The following TBX15 variants were observed in gnomAD, a reference collection of about 807,000 sequenced individuals.
TBX15 encodes T-box transcription factor 15.
TBX15 carries 18 observed loss-of-function variants against 53.9 expected under a neutral mutation model. The ratio of observed to expected loss-of-function variants is 0.33; its 90% CI spans 0.23 to 0.49. The LOEUF is 0.49. Ranked by LOEUF, TBX15 falls within the 20% of genes least tolerant of loss-of-function variation. The pLI is 0.98. For missense variants in TBX15, 692 were observed against 749.5 expected (o/e 0.92, Z 0.90); for synonymous variants, 295 against 278.0 (o/e 1.06, Z -0.61).
At chr1:118,964,082 C>A (rs565861331) in intron 1 of TBX15, among the ~76,000 whole-genome samples, 5 of 152,328 alleles carry the variant, frequency 3.3e-5, no homozygotes, top group Non-Finnish European at 7.3e-5. Context: ...GCCCTGAATA[C>A]CTGACCCACA....
rs1654880867 is a variant in TBX15 at position 118,907,541 on chromosome 1, A to G, written c.926+6574T>C. ...ACATCAGATGTGGGATGAAAGATGC[A>G]GTCTCTTTCTTTCCACTTCTTTGGT... On this transcript the variant is annotated intron_variant, in intron 6 of 7. Transcript: ENST00000369429. Among the ~76,000 whole-genome samples, 7 of 152,328 alleles carry G rather than the reference A, an allele frequency of 4.6e-5. No homozygotes were observed. The South Asian group carries it at 1.4e-3, about 32-fold the overall frequency.
At chr1:118,932,118 A>G (rs1370505029) in intron 1 of TBX15, among the ~76,000 whole-genome samples, 1 of 152,246 alleles carries the variant, frequency 6.6e-6, no homozygotes, top group African/African-American at 2.4e-5. Context: ...AACAGGCAAT[A>G]TAAATAGTAC....
chr1:118,949,003 T>C (rs919313523), intron 1 of TBX15, among the ~76,000 whole-genome samples: 1 of 152,178 alleles, frequency 6.6e-6, no homozygotes, highest in South Asian at 2.1e-4. Context: ...ATATATCCTC[T>C]TAGGAAGGGA....
chr1:118,905,399 C>A (rs1303516957), intron 6 of TBX15, among the ~76,000 whole-genome samples: 2 of 152,140 alleles, frequency 1.3e-5, no homozygotes, highest in African/African-American at 4.8e-5. Context: ...GCCACACAGC[C>A]AAGAGGACAA....
chr1:118,901,520 GT>G (rs1167724631), intron 6 of TBX15: 2 of 420,134 alleles, frequency 4.8e-6, no homozygotes, highest in Admixed American at 5.5e-5. Context: ...TGACAAAAGT[GT>G]TAATAGTTTT....
At chr1:118,887,695 T>G (rs1421628458) in intron 7 of TBX15, among the ~76,000 whole-genome samples, 2 of 148,488 alleles carry the variant, frequency 1.3e-5, no homozygotes, top group African/African-American at 2.5e-5. Context: ...AAAGCAGGAT[T>G]CCAGAGACAC....
At chr1:118,889,984 A>G (rs1654081824) in intron 7 of TBX15, among the ~76,000 whole-genome samples, 1 of 152,156 alleles carries the variant, frequency 6.6e-6, no homozygotes, top group African/African-American at 2.4e-5. Context: ...GAGTGAAGGA[A>G]GGAGAAAGGA....
chr1:118,925,378 A>G (rs1295747386), intron 3 of TBX15, among the ~76,000 whole-genome samples: 2 of 152,212 alleles, frequency 1.3e-5, no homozygotes, highest in African/African-American at 2.4e-5. Context: ...AGGCATTTCT[A>G]TGACGGGCCT....
intron 2 of TBX15, among the ~76,000 whole-genome samples, chr1:118,931,342 A>G (rs920349888): frequency 6.6e-6 from 1 of 152,250 alleles, no homozygotes; most frequent in Non-Finnish European, 1.5e-5. Flanking sequence ...TTGGCTGTTA[A>G]GATCCCATGG....
chr1:118,918,868 G>C (rs1005422505), intron 5 of TBX15, among the ~76,000 whole-genome samples: 27 of 152,256 alleles, frequency 1.8e-4, no homozygotes, highest in Admixed American at 1.5e-3. Context: ...ACAGCACGAA[G>C]GCTGAAGGGG....
At chr1:118,888,692 C>T (rs1047712807) in intron 7 of TBX15, among the ~76,000 whole-genome samples, 2 of 152,178 alleles carry the variant, frequency 1.3e-5, no homozygotes, top group African/African-American at 2.4e-5. Context: ...CATTCTTGCT[C>T]TCCCTGATCT....
At chr1:118,986,146 C>A (rs997151270) in intron 1 of TBX15, among the ~76,000 whole-genome samples, 2 of 152,152 alleles carry the variant, frequency 1.3e-5, no homozygotes, top group African/African-American at 4.8e-5. Context: ...ATAACCCCTG[C>A]AAGAACTTCT....
chr1:118,905,187 G>A (rs1048176283), intron 6 of TBX15, among the ~76,000 whole-genome samples: 3 of 152,162 alleles, frequency 2.0e-5, no homozygotes, highest in African/African-American at 7.2e-5. Flanking sequence ...TGTGGAGGGA[G>A]CTGTATGGTA....
chr1:118,936,039 T>G (rs1655955618), intron 1 of TBX15, among the ~76,000 whole-genome samples: 1 of 152,188 alleles, frequency 6.6e-6, no homozygotes, highest in Non-Finnish European at 1.5e-5. Context: ...TAACACCCCC[T>G]AACTATTTTA....
At position 118,987,772 on chromosome 1, in the gene TBX15, T is replaced by C. The variant is rs1186516777; in HGVS notation, c.24A>G (p.Ala8=). Residue 8 remains alanine, a synonymous_variant, in exon 1 of 8, where the codon GCA becomes GCG. Transcript: ENST00000369429. ...CATGTGCTCGCGAGCTCAGGGCGAC[T>C]GCAGATCTTCTCCTTTCACTCATTT... is the stretch of plus-strand genomic sequence containing the variant. MSERRRS[A]VALSSRAHAF... is the part of the protein sequence containing the mutation. 2 of 1,550,150 alleles carry C rather than the reference T, an allele frequency of 1.3e-6. No individual in the cohort carries two copies. Among genetic ancestry groups the C allele is most frequent in the Non-Finnish European group, 1.7e-6 (2 of 1,146,828 alleles).
At chr1:118,921,841 T>A (rs917366475) in intron 5 of TBX15, among the ~76,000 whole-genome samples, 2 of 152,172 alleles carry the variant, frequency 1.3e-5, no homozygotes, top group Non-Finnish European at 2.9e-5. Flanking sequence ...ATAAATGAAG[T>A]AAATAATTTT....
rs540503596 is a variant in TBX15 at position 118,927,679 on chromosome 1, G to A, written c.420-1068C>T. On this transcript the variant is annotated intron_variant, in intron 2 of 7. Coordinates refer to ENST00000369429, the MANE Select transcript of TBX15 (RefSeq NM_001330677.2). ...TGTTAAACTTGCCAAAGCAAGTGAG[G>A]TCAGGATATAGCACTTTACGACTTC... Among the ~76,000 whole-genome samples, 11 of 152,338 alleles carry A rather than the reference G, an allele frequency of 7.2e-5. No homozygotes were observed. In the South Asian group the frequency reaches 2.3e-3, roughly 32 times the overall value.
intron 7 of TBX15, chr1:118,890,937 T>G (rs958210719): frequency 1.5e-6 from 2 of 1,304,212 alleles, no homozygotes; most frequent in Non-Finnish European, 2.0e-6. Flanking sequence ...GCTGATTCAC[T>G]GTGTATCCTT....
intron 1 of TBX15, among the ~76,000 whole-genome samples, chr1:118,941,315 C>T (rs1750333): frequency 0.54 from 82,093 of 151,976 alleles, 22,377 homozygotes; most frequent in East Asian, 0.59. Flanking sequence ...TTCATGATGA[C>T]GCACTAAAGG....
Sources: gnomAD v4.1 joint callset for allele counts (sites outside exome capture counted in the v4.1 genomes callset) on GRCh38, gnomAD v4.1.1 for gene constraint, MANE v1.5 for transcripts, NCBI Gene and HGNC (gene_info 2026-07-23, HGNC 2026-07-21) for gene names.